The following TENM2 variants were observed in gnomAD, a reference collection of about 807,000 sequenced individuals.
TENM2 encodes teneurin transmembrane protein 2, also known as teneurin-2.
A neutral mutation model predicts 245.2 loss-of-function variants in TENM2; 52 were observed. That is an observed-to-expected ratio of 0.21 (90% CI 0.17 to 0.27). The LOEUF is 0.27. TENM2 is among the 10% of genes least tolerant of loss of function. The pLI, the probability that TENM2 is intolerant of heterozygous loss-of-function variation, is 1.00. For missense variants in TENM2, 3,046 were observed against 3,666.8 expected, an observed-to-expected ratio of 0.83 and a Z score of 4.37; for synonymous variants, 1,363 against 1,438.9, an observed-to-expected ratio of 0.95 and a Z score of 1.19.
At chr5:167,184,113 G>C in the TENM2 span, among the ~76,000 whole-genome samples, 5 of 152,154 alleles carry the variant, frequency 3.3e-5, no homozygotes, top group African/African-American at 1.2e-4. Flanking sequence ...TTTTCAAAGA[G>C]AATTATACTA....
intron 2 of TENM2, among the ~76,000 whole-genome samples, chr5:167,788,911 G>T (rs917860353): frequency 6.6e-6 from 1 of 152,106 alleles, no homozygotes; most frequent in Non-Finnish European, 1.5e-5. Context: ...AGGAAAGTGA[G>T]TCCTAATAGC....
intron 25 of TENM2, among the ~76,000 whole-genome samples, chr5:168,232,560 G>A (rs1020053263): frequency 2.0e-5 from 3 of 152,236 alleles, no homozygotes; most frequent in Non-Finnish European, 2.9e-5. Flanking sequence ...TGGGTATCAT[G>A]CATGAAGCAA....
the TENM2 span, among the ~76,000 whole-genome samples, chr5:167,012,514 A>T: frequency 6.6e-6 from 1 of 152,206 alleles, no homozygotes; most frequent in Non-Finnish European, 1.5e-5. Flanking sequence ...GTGGTTTATT[A>T]GTGTAGGGAA....
At chr5:167,743,709 T>C (rs906522449) in intron 2 of TENM2, among the ~76,000 whole-genome samples, 1 of 152,044 alleles carries the variant, frequency 6.6e-6, no homozygotes, top group African/African-American at 2.4e-5. Flanking sequence ...GACAAAAGAG[T>C]AATAAAGTTA....
intron 4 of TENM2, among the ~76,000 whole-genome samples, chr5:167,963,053 A>C (rs1417783337): frequency 6.6e-6 from 1 of 152,230 alleles, no homozygotes; most frequent in Non-Finnish European, 1.5e-5. Flanking sequence ...CAGGTACATA[A>C]GCAAAAAGAT....
chr5:168,219,370 C>T (rs1256660381), intron 23 of TENM2, among the ~76,000 whole-genome samples: 1 of 152,128 alleles, frequency 6.6e-6, no homozygotes, highest in Admixed American at 6.5e-5. Flanking sequence ...AGTGGGGTTC[C>T]TGTAATTTGC....
intron 2 of TENM2, among the ~76,000 whole-genome samples, chr5:167,528,439 C>T (rs1771263745): frequency 6.6e-6 from 1 of 152,050 alleles, no homozygotes; most frequent in Admixed American, 6.6e-5. Flanking sequence ...AGAGGTGTAG[C>T]TTAATGTCTC....
chr5:167,256,626 A>C, the TENM2 span, among the ~76,000 whole-genome samples: 1 of 152,166 alleles, frequency 6.6e-6, no homozygotes, highest in African/African-American at 2.4e-5. Flanking sequence ...TATGCAATTT[A>C]TCCAATGTCC....
chr5:167,293,368 A>ATTTTTTTTTTTTT (rs199972172), intron 1 of TENM2, among the ~76,000 whole-genome samples: 29 of 130,506 alleles, frequency 2.2e-4, no homozygotes, highest in Non-Finnish European at 3.2e-4. Context: ...TGTCCGGCTA[A>ATTTTTTTTTTTTT]TTTTTTTTTT....
the TENM2 span, among the ~76,000 whole-genome samples, chr5:167,001,322 A>G: frequency 6.6e-6 from 1 of 152,024 alleles, no homozygotes; most frequent in African/African-American, 2.4e-5. Flanking sequence ...ATTTTCTTAG[A>G]TCGTATGGAA....
intron 27 of TENM2, among the ~76,000 whole-genome samples, chr5:168,253,602 T>G (rs945991907): frequency 3.9e-5 from 6 of 151,910 alleles, no homozygotes; most frequent in Admixed American, 3.9e-4. Flanking sequence ...ATTGTTTGTA[T>G]TTTTAGTAGA....
At chr5:167,295,450 G>T (rs1361601555) in intron 1 of TENM2, among the ~76,000 whole-genome samples, 2 of 152,170 alleles carry the variant, frequency 1.3e-5, no homozygotes, top group Non-Finnish European at 2.9e-5. Flanking sequence ...GTGCATATGT[G>T]ATCTGTGCAG....
chr5:167,992,787 ATCATCGAATG>A (rs1783766779), intron 4 of TENM2, among the ~76,000 whole-genome samples, 147 bp from the exon 7 acceptor site: 1 of 152,204 alleles, frequency 6.6e-6, no homozygotes, highest in Non-Finnish European at 1.5e-5. Context: ...AATTTATGTC[ATCATCGAATG>A]TAATGTTCGC....
intron 2 of TENM2, among the ~76,000 whole-genome samples, chr5:167,844,226 A>G (rs1446573888): frequency 6.6e-6 from 1 of 152,218 alleles, no homozygotes; most frequent in Non-Finnish European, 1.5e-5. Context: ...AGAGCTCAAC[A>G]GTGTTTTATT....
the TENM2 span, among the ~76,000 whole-genome samples, chr5:167,276,694 C>T: frequency 2.6e-5 from 4 of 152,144 alleles, no homozygotes; most frequent in South Asian, 2.1e-4. Context: ...CTATGCACAT[C>T]CTTCTGTATG....
chr5:167,597,409 C>A (rs533696643), intron 2 of TENM2, among the ~76,000 whole-genome samples: 1 of 151,998 alleles, frequency 6.6e-6, no homozygotes, highest in African/African-American at 2.4e-5. Context: ...TCAGGCAATC[C>A]GGCCTCAAGT....
At chr5:167,530,059 G>A (rs935312498) in intron 2 of TENM2, among the ~76,000 whole-genome samples, 4 of 152,194 alleles carry the variant, frequency 2.6e-5, no homozygotes, top group Admixed American at 2.6e-4. Context: ...TCCCAAAGCA[G>A]TGCTGCTCAA....
chr5:167,945,545 A>G (rs151096658), intron 3 of TENM2, among the ~76,000 whole-genome samples: 2 of 152,298 alleles, frequency 1.3e-5, no homozygotes, highest in African/African-American at 4.8e-5. Flanking sequence ...TAGGTGATCT[A>G]AGATGTCCCT....
chr5:168,244,359 G>A lies in TENM2; in HGVS notation c.5521-61G>A. 2 of 1,373,800 alleles carry A rather than the reference G, an allele frequency of 1.5e-6. No homozygotes were observed. The highest frequency in any genetic ancestry group is 1.7e-5 in the South Asian group (1 of 58,528). The allele number at this position is 1,373,800 out of a possible 1,614,324, so 85.1% of individuals were successfully genotyped here. On this transcript the variant is annotated intron_variant, in intron 25 of 28. Coordinates refer to ENST00000518659, the Ensembl canonical transcript of TENM2. The surrounding 1 kb of genome is among the most constrained non-coding windows in gnomAD (Gnocchi z 4.9). ...GGCCATGCCAGCCATGTCCTCCACA[G>A]AAGCCTGAGCCGGCATGCCTGGGTG...
Sources: allele counts gnomAD v4.1 joint callset (sites outside exome capture counted in the v4.1 genomes callset), GRCh38; gene constraint gnomAD v4.1.1; non-coding constraint Gnocchi (gnomAD v3.1); transcripts MANE v1.5; gene names NCBI Gene and HGNC (gene_info 2026-07-23, HGNC 2026-07-21).